The following SI variants were observed in gnomAD, a reference collection of about 807,000 sequenced individuals.
SI encodes the protein sucrase-isomaltase, intestinal.
SI carries 235 observed loss-of-function variants against 253.3 expected under a neutral mutation model. The observed-to-expected ratio is 0.93, with a 90% CI of 0.83 to 1.03. SI has a LOEUF of 1.03. Ranked by LOEUF, SI falls within the 50% of genes least tolerant of loss-of-function variation. The pLI, the probability that SI is intolerant of heterozygous loss-of-function variation, is 0.00. For missense variants in SI, 2,442 were observed against 2,211.1 expected, an observed-to-expected ratio of 1.10 and a Z score of -2.09; for synonymous variants, 819 against 712.0, an observed-to-expected ratio of 1.15 and a Z score of -2.39.
chr3:165,049,745 A>G (rs1239928683), intron 14 of SI, 46 bp downstream of exon 14: 7 of 1,126,328 alleles, frequency 6.2e-6, no homozygotes, highest in Non-Finnish European at 6.8e-6. Context: ...CAACTACAAA[A>G]TTATTCTCAA....
chr3:165,078,584 T>A (rs973009685), upstream of SI: 1 of 152,062 alleles, frequency 6.6e-6, no homozygotes, highest in East Asian at 1.9e-4. Context: ...AATAATCTTC[T>A]GCTCAACATA....
intron 37 of SI, among the ~76,000 whole-genome samples, chr3:165,003,356 A>T (rs1387290379): frequency 6.6e-6 from 1 of 151,978 alleles, no homozygotes; most frequent in East Asian, 1.9e-4. Context: ...AGTTTTAGTT[A>T]AAGTAAATTT....
chr3:165,049,076 C>A (rs1560007632), intron 15 of SI, 51 bp downstream of exon 15: 3 of 1,028,024 alleles, frequency 2.9e-6, no homozygotes, highest in Admixed American at 3.4e-5. Context: ...TTATCAAAAA[C>A]ATTTTTAAGC....
intron 25 of SI, among the ~76,000 whole-genome samples, chr3:165,028,410 A>T (rs985343901): frequency 6.6e-6 from 1 of 151,208 alleles, no homozygotes; most frequent in African/African-American, 2.4e-5. Context: ...AAACACCATC[A>T]TTATTCTTCA....
intron 25 of SI, among the ~76,000 whole-genome samples, chr3:165,029,246 T>C (rs1036160703): frequency 1.3e-5 from 2 of 150,348 alleles, no homozygotes; most frequent in African/African-American, 4.9e-5. Flanking sequence ...CCTTACTCCT[T>C]CAAGAATGGC....
chr3:165,030,560 T>A (rs1712175239), intron 25 of SI, 152 bp downstream of exon 25: 1 of 758,650 alleles, frequency 1.3e-6, no homozygotes. Flanking sequence ...TAAAAGTGAA[T>A]TGCCTGTCAG....
intron 9 of SI, among the ~76,000 whole-genome samples, chr3:165,060,790 C>A (rs898845257): frequency 2.8e-5 from 4 of 144,232 alleles, no homozygotes; most frequent in African/African-American, 7.6e-5. Context: ...AATAAATTTT[C>A]TTTGGTTTAG....
intron 21 of SI, among the ~76,000 whole-genome samples, chr3:165,037,637 TTTAA>T (rs1311622400): frequency 3.3e-5 from 5 of 151,890 alleles, no homozygotes; most frequent in South Asian, 2.1e-4. Flanking sequence ...AAATATTATC[TTTAA>T]TTATGCTAAT....
chr3:165,029,033 A>C (rs1392792764), intron 25 of SI, among the ~76,000 whole-genome samples: 2 of 151,546 alleles, frequency 1.3e-5, no homozygotes, highest in Non-Finnish European at 3.0e-5. Context: ...CATCTGACAA[A>C]GAACGAATAT....
intron 47 of SI, among the ~76,000 whole-genome samples, chr3:164,981,438 T>G (rs188325241): frequency 2.0e-5 from 3 of 152,150 alleles, no homozygotes; most frequent in Admixed American, 6.6e-5. Flanking sequence ...TAGGTTCAAG[T>G]TAGTCGAACA....
chr3:165,053,014 CAAT>C (rs1413898140), intron 13 of SI, among the ~76,000 whole-genome samples: 43 of 151,734 alleles, frequency 2.8e-4, no homozygotes, highest in Non-Finnish European at 5.5e-4. Context: ...AAAATAACAA[CAAT>C]GATATCAAAA....
intron 46 of SI, 23 bp from the exon 47 acceptor site, chr3:164,982,433 A>G (rs1179131461): frequency 1.3e-6 from 2 of 1,556,096 alleles, no homozygotes; most frequent in African/African-American, 1.4e-5. Context: ...AAAAAGGAAT[A>G]ACATAAACAC....
Position 165,023,728 on chromosome 3 carries a change from T to G in SI, c.2941A>C (p.Asn981His), listed in dbSNP as rs1711753599. The change falls in exon 26 of 48, where the codon AAC becomes CAC. Residue 981 changes from asparagine to histidine, a missense_variant. Physicochemically the swap from Asn to His is moderately conservative, Grantham distance 68. Transcript: ENST00000264382. ...CGAGCTGAGTTGACTGAATAAGAGTTATCTTGTCTGGGAAAGTAACACTCA... is the reference window on the plus strand; with the variant it reads ...CGAGCTGAGTTGACTGAATAAGAGTGATCTTGTCTGGGAAAGTAACACTCA... The part of the protein sequence containing the change: ...APECYFPRQD[N>H]SYSVNSARYS... 2 of 1,610,724 alleles carry G rather than the reference T, an allele frequency of 1.2e-6. No homozygotes were observed. The highest frequency in any genetic ancestry group is 1.7e-5 in the Admixed American group (1 of 59,642).
At chr3:165,033,329 C>A (rs1712347758) in intron 23 of SI, 66 bp downstream of exon 23, 1 of 1,388,790 alleles carries the variant, frequency 7.2e-7, no homozygotes, top group Non-Finnish European at 9.5e-7. Flanking sequence ...AAAAATTTAT[C>A]ATAAAAGAAT....
chr3:165,021,357 A>G lies in SI; in HGVS notation c.3126T>C (p.Tyr1042=). Residue 1042 remains tyrosine (Y), a synonymous_variant, in exon 27 of 48, where the codon TAT becomes TAC. Transcript: ENST00000264382. Reference sequence around the variant, plus strand: ...GAATGTTTAACGGTACTGGTACTTCATATCTCTTCTTTTGGGGATCATAAA... The same window carrying G: ...GAATGTTTAACGGTACTGGTACTTCGTATCTCTTCTTTTGGGGATCATAAA... ...FKIYDPQKKR[Y]EVPVPLNIPT... 5.0e-6 allele frequency: 8 copies of G among 1,610,644 alleles called. No individual in the cohort carries two copies. The highest frequency in any genetic ancestry group is 6.8e-6 in the Non-Finnish European group (8 of 1,177,508).
chr3:165,030,989 G>T, intron 24 of SI, 122 bp from the exon 25 acceptor site: 1 of 1,328,364 alleles, frequency 7.5e-7, no homozygotes, highest in Non-Finnish European at 1.0e-6. Flanking sequence ...ACAAAATGTG[G>T]CAACGAGGGC....
intron 22 of SI, among the ~76,000 whole-genome samples, chr3:165,033,734 A>T (rs1019693090): frequency 6.6e-6 from 1 of 151,580 alleles, no homozygotes; most frequent in African/African-American, 2.4e-5. Flanking sequence ...TACAGTAAAT[A>T]ATATATAATT....
intron 19 of SI, among the ~76,000 whole-genome samples, chr3:165,039,388 T>C (rs889864052): frequency 1.3e-4 from 19 of 148,004 alleles, no homozygotes; most frequent in Admixed American, 1.3e-3. Flanking sequence ...TATATGTGTA[T>C]TGTTATAAAA....
intron 26 of SI, 87 bp from the exon 27 acceptor site, chr3:165,021,470 C>A (rs1711612315): frequency 9.7e-7 from 1 of 1,034,894 alleles, no homozygotes; most frequent in Non-Finnish European, 1.5e-6. Context: ...ATGGCTCAAA[C>A]AAGAATATTT....
Sources: allele counts gnomAD v4.1 joint callset (sites outside exome capture counted in the v4.1 genomes callset), GRCh38; gene constraint gnomAD v4.1.1; transcripts MANE v1.5; gene names NCBI Gene and HGNC (gene_info 2026-07-23, HGNC 2026-07-21).